The following MYLK4 variants were observed in gnomAD, a reference collection of about 807,000 sequenced individuals.
MYLK4 encodes myosin light chain kinase family member 4.
MYLK4 carries 46 observed loss-of-function variants against 48.1 expected under a neutral mutation model. The observed-to-expected ratio is 0.96, with a 90% CI of 0.75 to 1.22. The LOEUF (loss-of-function observed/expected upper bound fraction) is 1.22, where lower values mean the gene tolerates loss of function less well. Ranked by LOEUF, MYLK4 falls within the 50% of genes most tolerant of loss-of-function variation. MYLK4 has a pLI of 0.00. For missense variants in MYLK4, 451 were observed against 486.1 expected (o/e 0.93, Z 0.68); for synonymous variants, 170 against 180.8 (o/e 0.94, Z 0.48).
chr6:2,711,769 T>G (rs990892808), intron 2 of MYLK4, among the ~76,000 whole-genome samples: 2 of 152,182 alleles, frequency 1.3e-5, no homozygotes, highest in African/African-American at 4.8e-5. Flanking sequence ...GAAAACAACT[T>G]TTAACAATGC....
chr6:2,743,283 T>A (rs1011130749), intron 2 of MYLK4, among the ~76,000 whole-genome samples: 5 of 152,348 alleles, frequency 3.3e-5, no homozygotes, highest in Admixed American at 6.5e-5. Context: ...ATTTATCATA[T>A]GCTAATTGAT....
At chr6:2,744,139 AGG>A (rs1763989641) in intron 2 of MYLK4, 1 of 396,922 alleles carries the variant, frequency 2.5e-6, no homozygotes, top group Non-Finnish European at 4.4e-6. Flanking sequence ...CTCTGCCCTG[AGG>A]AGTGGGTGTC....
the MYLK4 span, among the ~76,000 whole-genome samples, chr6:2,763,578 C>T: frequency 1.3e-5 from 2 of 152,346 alleles, no homozygotes; most frequent in East Asian, 1.9e-4. Context: ...CTTATCTGAG[C>T]CTACTCCCAC....
intron 2 of MYLK4, among the ~76,000 whole-genome samples, chr6:2,745,312 A>G (rs1351616803): frequency 6.6e-6 from 1 of 152,202 alleles, no homozygotes; most frequent in Non-Finnish European, 1.5e-5. Flanking sequence ...GACAAAAGAA[A>G]AAAAACCCAG....
rs1761525542 is a variant in MYLK4, at chr6:2,685,959, T to C, written c.342-383A>G. On this transcript the variant is annotated intron_variant, in intron 4 of 12. Coordinates refer to ENST00000274643, the MANE Select transcript of MYLK4 (RefSeq NM_001012418.5). The surrounding 1 kb of genome is among the most constrained non-coding windows in gnomAD (Gnocchi z 4.5). ...GGCATGTGTCTGTAGTCCCAGCTACTCGGGAGGCTGAGGCAGGAGAACGGC... is the reference window on the plus strand; with the variant it reads ...GGCATGTGTCTGTAGTCCCAGCTACCCGGGAGGCTGAGGCAGGAGAACGGC... Among the ~76,000 whole-genome samples the C allele has an allele frequency of 6.6e-6, 1 of 151,510 alleles. No individual in the cohort carries two copies. Among genetic ancestry groups the C allele is most frequent in the Middle Eastern group, 3.4e-3 (1 of 294 alleles).
chr6:2,766,088 A>C, the MYLK4 span: 1 of 1,312,158 alleles, frequency 7.6e-7, no homozygotes, highest in Non-Finnish European at 9.6e-7. Flanking sequence ...GTCTCCGCGC[A>C]GCTGGGACGA....
intron 2 of MYLK4, among the ~76,000 whole-genome samples, chr6:2,731,163 T>A (rs1428412415): frequency 2.0e-5 from 3 of 152,102 alleles, no homozygotes; most frequent in African/African-American, 7.2e-5. Context: ...AACAGTAATT[T>A]CAGAAGGAAG....
In MYLK4 at chr6:2,743,861, A is replaced by G. The variant is rs971085531; in HGVS notation, c.159+5275T>C. On this transcript the variant is annotated intron_variant, in intron 2 of 12. Transcript: ENST00000274643. Reference sequence around the variant, plus strand: ...TCCCAGGTTGGAAACATTCGAACAAAATGAATCTGTCTTAGATAAAGGTGA... The same window carrying G: ...TCCCAGGTTGGAAACATTCGAACAAGATGAATCTGTCTTAGATAAAGGTGA... 11 of 398,394 alleles carry G rather than the reference A, an allele frequency of 2.8e-5. No homozygotes were observed. In the Admixed American group the frequency reaches 3.1e-4, roughly 11 times the overall value. 24.7% of individuals were successfully genotyped at this position (398,394 alleles called of 1,614,324 possible).
chr6:2,707,218 A>C (rs1762524607), intron 2 of MYLK4, among the ~76,000 whole-genome samples: 1 of 152,208 alleles, frequency 6.6e-6, no homozygotes, highest in Non-Finnish European at 1.5e-5. Context: ...AAACTGCTTT[A>C]AGAATAGTAA....
In MYLK4 at chr6:2,749,396, C is replaced by CT. The variant is rs778113332; in HGVS notation, c.-103dup. 1.2e-5 allele frequency: 10 copies of CT among 864,614 alleles called. No homozygotes were observed. The highest frequency in any genetic ancestry group is 1.7e-5 in the Non-Finnish European group (10 of 573,148). The allele number at this position is 864,614 out of a possible 1,614,324, so 53.6% of individuals were successfully genotyped here. A position where few individuals can be genotyped will look rare whatever the true frequency, so the allele number is the denominator to read the frequency against. ...ACACAATTATGACTCTTCAGTGCTT[C>CT]TTTCTCTTGACTGCAAAGAAAGGAA... On this transcript the variant is annotated 5_prime_UTR_variant, in exon 2 of 13. The change creates a premature stop within an existing upstream ORF in the 5' untranslated region. Coordinates refer to ENST00000274643, the MANE Select transcript of MYLK4 (RefSeq NM_001012418.5).
At chr6:2,722,510 G>GGAGT (rs1763104955) in intron 2 of MYLK4, among the ~76,000 whole-genome samples, 1 of 105,304 alleles carries the variant, frequency 9.5e-6, no homozygotes, top group African/African-American at 3.4e-5. Flanking sequence ...GGACATAAAA[G>GGAGT]GAGTGTGTGT....
the MYLK4 span, among the ~76,000 whole-genome samples, chr6:2,764,168 TTCACGTTAC>T: frequency 1.3e-5 from 2 of 152,208 alleles, no homozygotes; most frequent in Non-Finnish European, 2.9e-5. Context: ...TTTTGGTAGT[TTCACGTTAC>T]ATGATGATTA....
upstream of MYLK4, among the ~76,000 whole-genome samples, chr6:2,752,311 G>A (rs758515343): frequency 7.9e-5 from 12 of 152,016 alleles, no homozygotes; most frequent in Middle Eastern, 3.2e-3. Flanking sequence ...AACATCTTAC[G>A]TTGGTATGGT....
At chr6:2,683,634 G>T (rs1019669942) in intron 6 of MYLK4, among the ~76,000 whole-genome samples, 7 of 152,114 alleles carry the variant, frequency 4.6e-5, no homozygotes, top group African/African-American at 1.4e-4. Flanking sequence ...GGCCAGGCTG[G>T]TTTCGAACTC....
At chr6:2,737,054 C>T (rs914161040) in intron 2 of MYLK4, among the ~76,000 whole-genome samples, 3 of 152,208 alleles carry the variant, frequency 2.0e-5, no homozygotes, top group East Asian at 1.9e-4. Context: ...AAATAATACA[C>T]CTGTAATCCC....
At chr6:2,696,527 T>A (rs1762067710) in intron 2 of MYLK4, among the ~76,000 whole-genome samples, 1 of 152,210 alleles carries the variant, frequency 6.6e-6, no homozygotes, top group South Asian at 2.1e-4. Flanking sequence ...TACACACTAG[T>A]AACGGGGCCC....
At chr6:2,740,808 C>T (rs1223522956) in intron 2 of MYLK4, among the ~76,000 whole-genome samples, 4 of 152,206 alleles carry the variant, frequency 2.6e-5, no homozygotes, top group Non-Finnish European at 5.9e-5. Flanking sequence ...TGTCTGCTCT[C>T]TTGAAGGAAG....
chr6:2,765,741 T>C, the MYLK4 span: 1 of 1,515,184 alleles, frequency 6.6e-7, no homozygotes. Context: ...GACCGCTGTC[T>C]GCTGCTCCAC....
chr6:2,688,815 T>G, intron 4 of MYLK4, 36 bp downstream of exon 4: 1 of 1,544,722 alleles, frequency 6.5e-7, no homozygotes, highest in Non-Finnish European at 8.9e-7. Context: ...GCTCTCTTCT[T>G]TTGTTGAGAG....
Sources: allele counts gnomAD v4.1 joint callset (sites outside exome capture counted in the v4.1 genomes callset), GRCh38; gene constraint gnomAD v4.1.1; non-coding constraint Gnocchi (gnomAD v3.1); transcripts MANE v1.5; gene names NCBI Gene and HGNC (gene_info 2026-07-23, HGNC 2026-07-21).